The following DST variants were observed in gnomAD, a reference collection of about 807,000 sequenced individuals.
DST encodes the protein dystonin, also known as bullous pemphigoid antigen.
Under a neutral mutation model 875.2 loss-of-function variants are expected in DST, and 253 were observed. That is an observed-to-expected ratio of 0.29 (90% CI 0.26 to 0.32). DST has a LOEUF of 0.32. Among genes scored for constraint, DST ranks in the 10% least tolerant of loss-of-function variants. The probability of loss-of-function intolerance (pLI) is 1.00; values close to 1 mark genes in which losing one functional copy is unlikely to be tolerated. For synonymous variants in DST, 3,124 were observed against 3,197.1 expected, an observed-to-expected ratio of 0.98 and a Z score of 0.77; for missense variants, 8,287 against 9,111.6, an observed-to-expected ratio of 0.91 and a Z score of 3.68.
chr6:56,696,236 CACCACA>C (rs2099263052), intron 9 of DST, among the ~76,000 whole-genome samples: 1 of 152,194 alleles, frequency 6.6e-6, no homozygotes, highest in African/African-American at 2.4e-5. Context: ...GATCTCAGCT[CACCACA>C]ACCTCTGCCT....
intron 32 of DST, 31 bp downstream of exon 32, chr6:56,629,219 G>C: frequency 6.2e-7 from 1 of 1,606,780 alleles, no homozygotes; most frequent in Non-Finnish European, 8.5e-7. Context: ...CATTAAATCT[G>C]TGCTAAAACT....
intron 61 of DST, among the ~76,000 whole-genome samples, chr6:56,551,042 A>C (rs113303325): frequency 0.012 from 1,774 of 152,332 alleles, 34 homozygotes; most frequent in African/African-American, 0.04. Flanking sequence ...TAAATACAGA[A>C]TCACAGCTTT....
rs116785286 is a variant in DST, at chr6:56,722,936, C to T, written c.687+12292G>A. 5.7e-3 allele frequency among the ~76,000 whole-genome samples: 869 copies of T among 152,240 alleles called. 10 individuals carry two copies. Among genetic ancestry groups the T allele is most frequent in the African/African-American group, 0.019 (801 of 41,534 alleles). On this transcript the variant is annotated intron_variant, in intron 5 of 103. Coordinates refer to ENST00000680361, the MANE Select transcript of DST (RefSeq NM_001374736.1). ...CCTTCAACTCATTTTCTGTCTTCAACTCAGTAGCCTTAAAAATTTCAAATA... is the reference window on the plus strand; with the variant it reads ...CCTTCAACTCATTTTCTGTCTTCAATTCAGTAGCCTTAAAAATTTCAAATA...
chr6:56,512,696 A>G (rs1360057483), intron 72 of DST, among the ~76,000 whole-genome samples: 1 of 152,222 alleles, frequency 6.6e-6, no homozygotes, highest in African/African-American at 2.4e-5. Flanking sequence ...GTCTACTAAA[A>G]TCAATTATGA....
At chr6:56,777,498 T>C (rs2099681462) in intron 4 of DST, among the ~76,000 whole-genome samples, 2 of 152,152 alleles carry the variant, frequency 1.3e-5, no homozygotes, top group South Asian at 4.1e-4. Flanking sequence ...ACTTACAGCA[T>C]GATGGAACAG....
intron 63 of DST, 25 bp downstream of exon 63, chr6:56,535,097 C>CTA (rs1440521043): frequency 6.2e-7 from 1 of 1,607,032 alleles, no homozygotes; most frequent in African/African-American, 1.3e-5. Flanking sequence ...ATATGAAACG[C>CTA]AATACAAAAG....
chr6:56,740,156 C>A (rs2099541471), intron 4 of DST, among the ~76,000 whole-genome samples: 1 of 152,212 alleles, frequency 6.6e-6, no homozygotes. Context: ...GCGTGAGCCA[C>A]CGCACCTGGC....
At chr6:56,648,361 G>C (rs2098956112) in intron 13 of DST, among the ~76,000 whole-genome samples, 1 of 152,080 alleles carries the variant, frequency 6.6e-6, no homozygotes, top group Non-Finnish European at 1.5e-5. Context: ...CCAAAGCTGA[G>C]TGACTACAGC....
At chr6:56,892,914 C>A (rs950733615) in intron 3 of DST, among the ~76,000 whole-genome samples, 4 of 152,182 alleles carry the variant, frequency 2.6e-5, no homozygotes, top group African/African-American at 9.7e-5. Context: ...GAAGAAACTA[C>A]TATTTATTGT....
intron 4 of DST, among the ~76,000 whole-genome samples, chr6:56,751,813 C>G (rs973688306): frequency 6.6e-6 from 1 of 152,162 alleles, no homozygotes; most frequent in Non-Finnish European, 1.5e-5. Context: ...CAGGGATCTG[C>G]TCCAGGCCAA....
chr6:56,619,666 C>T (rs752446702), intron 36 of DST: 2 of 1,613,864 alleles, frequency 1.2e-6, no homozygotes, highest in African/African-American at 1.3e-5. Context: ...TAGCTTCTTG[C>T]ATGGCTTCTT....
chr6:56,864,884 C>T lies in DST; in HGVS notation c.418-13280G>A, dbSNP rs74649245. On this transcript the variant is annotated intron_variant, in intron 3 of 103. Coordinates refer to ENST00000680361, the MANE Select transcript of DST (RefSeq NM_001374736.1). ...CCTTCACATCACCTGCATGCTGTTG[C>T]CTAAATTTCCAGTAACAGATACATT... Among the ~76,000 whole-genome samples, 509 of 152,096 alleles carry T rather than the reference C, an allele frequency of 3.3e-3. 3 individuals carry two copies. The highest frequency in any genetic ancestry group is 0.012 in the African/African-American group (494 of 41,484).
rs1779947601 is a variant in DST at position 56,877,133 on chromosome 6, T to C, written c.417+23288A>G. 2.0e-5 allele frequency among the ~76,000 whole-genome samples: 3 copies of C among 152,246 alleles called. 1 individual carries two copies. The highest frequency in any genetic ancestry group is 4.1e-4 in the South Asian group (2 of 4,832). On this transcript the variant is annotated intron_variant, in intron 3 of 103. Coordinates refer to ENST00000680361, the MANE Select transcript of DST (RefSeq NM_001374736.1). Reference sequence around the variant, plus strand: ...ACCTAGATACCTGGCTCTGATCAAATGTCACCTTATCAAAGAATGTTCCCT... The same window carrying C: ...ACCTAGATACCTGGCTCTGATCAAACGTCACCTTATCAAAGAATGTTCCCT...
At chr6:56,575,911 G>A (rs902053473) in intron 50 of DST, among the ~76,000 whole-genome samples, 2 of 152,076 alleles carry the variant, frequency 1.3e-5, no homozygotes, top group Non-Finnish European at 2.9e-5. Context: ...GTTTGAATGA[G>A]GTGACGCCTG....
intron 9 of DST, among the ~76,000 whole-genome samples, chr6:56,695,633 CTA>C (rs1185735057): frequency 2.0e-5 from 3 of 152,286 alleles, no homozygotes; most frequent in Admixed American, 6.5e-5. Flanking sequence ...ATTCATCACC[CTA>C]TGTTATAGTT....
intron 75 of DST, among the ~76,000 whole-genome samples, chr6:56,508,017 T>TTTG (rs530992065): frequency 6.6e-6 from 1 of 152,030 alleles, no homozygotes; most frequent in South Asian, 2.1e-4. Context: ...AGAGAAATTT[T>TTTG]TTGTTGTTGT....
chr6:56,475,827 T>C (rs1335213499), intron 92 of DST, among the ~76,000 whole-genome samples: 5 of 151,716 alleles, frequency 3.3e-5, no homozygotes, highest in Admixed American at 1.3e-4. Flanking sequence ...GTGAGAGAAA[T>C]AGAGAGCTGA....
Position 56,600,342 on chromosome 6 carries a change from G to A in DST, c.11542-121C>T. The A allele has an allele frequency of 4.4e-6, 4 of 905,064 alleles. No homozygotes were observed. In the South Asian group the frequency reaches 6.7e-5, roughly 15 times the overall value. 56.1% of individuals were successfully genotyped at this position (905,064 alleles called of 1,614,324 possible). On this transcript the variant is annotated intron_variant, in intron 44 of 103. Transcript: ENST00000680361. ...TCTAATAAGCTTTTATAAGTATGCT[G>A]TAAACATGATAGCAGTAGGGTACAA...
chr6:56,495,405 G>A lies in DST; in HGVS notation c.20224-1225C>T, dbSNP rs77800077. Reference sequence around the variant, plus strand: ...TAAATACCCCGCCCAAACTCAGTTCGCTGAAATGGAATATTTTCTAAAAGT... The same window carrying A: ...TAAATACCCCGCCCAAACTCAGTTCACTGAAATGGAATATTTTCTAAAAGT... On this transcript the variant is annotated intron_variant, in intron 82 of 103. Coordinates refer to ENST00000680361, the MANE Select transcript of DST (RefSeq NM_001374736.1). Among the ~76,000 whole-genome samples the A allele has an allele frequency of 5.7e-3, 859 of 151,944 alleles. 30 individuals are homozygous for A. In the East Asian group the frequency reaches 0.11, roughly 19 times the overall value.
Sources: allele counts gnomAD v4.1 joint callset (sites outside exome capture counted in the v4.1 genomes callset), GRCh38; gene constraint gnomAD v4.1.1; transcripts MANE v1.5; gene names NCBI Gene and HGNC (gene_info 2026-07-23, HGNC 2026-07-21).